Variants in CDH2 observed in about 807,000 individuals in gnomAD.
CDH2 encodes cadherin 2.
A neutral mutation model predicts 92.0 loss-of-function variants in CDH2; 17 were observed. That is an observed-to-expected ratio of 0.18 (90% CI 0.13 to 0.28). The LOEUF is 0.28. CDH2 is among the 10% of genes least tolerant of loss of function. CDH2 has a pLI of 1.00. For missense variants in CDH2, 862 were observed against 1,133.1 expected, an observed-to-expected ratio of 0.76 and a Z score of 3.44; for synonymous variants, 419 against 415.9, an observed-to-expected ratio of 1.01 and a Z score of -0.09.
At chr18:28,134,820 T>A (rs1034301699) in intron 2 of CDH2, among the ~76,000 whole-genome samples, 3 of 152,110 alleles carry the variant, frequency 2.0e-5, no homozygotes, top group African/African-American at 7.2e-5. Flanking sequence ...TGATCATTCT[T>A]GAAAAGAGGA....
chr18:28,021,374 A>G (rs2013406268), intron 2 of CDH2, among the ~76,000 whole-genome samples: 1 of 151,946 alleles, frequency 6.6e-6, no homozygotes, highest in African/African-American at 2.4e-5. Context: ...ACATGGGAAA[A>G]AAGAAAATAC....
chr18:27,976,412 C>T (rs1000713235), intron 14 of CDH2, among the ~76,000 whole-genome samples: 2 of 152,182 alleles, frequency 1.3e-5, no homozygotes, highest in Non-Finnish European at 1.5e-5. Flanking sequence ...TCTGAAAGCA[C>T]AGGAAGCTGC....
rs527974070 is a variant in CDH2, at chr18:28,163,113, C to A, written c.60+13850G>T. On this transcript the variant is annotated intron_variant, in intron 1 of 15. Coordinates refer to ENST00000269141, the MANE Select transcript of CDH2 (RefSeq NM_001792.5). The stretch of plus-strand genomic sequence containing the variant: ...GTTCATAAAGACACTTCAAGGCAAA[C>A]CAAAAGGTCAAAATACATAGAAAAA... Among the ~76,000 whole-genome samples, 5 of 152,168 alleles carry A rather than the reference C, an allele frequency of 3.3e-5. No individual in the cohort carries two copies. In the South Asian group the frequency reaches 8.3e-4, roughly 25 times the overall value.
At position 28,074,192 on chromosome 18, in the gene CDH2, C is replaced by T. The variant is rs17494353; in HGVS notation, c.173-60283G>A. On this transcript the variant is annotated intron_variant, in intron 2 of 15. Transcript: ENST00000269141. ...GTGAACTTAATATGTGGATGACACT[C>T]ACTTCTCAAGCAAAGATCAAATGAG... Among the ~76,000 whole-genome samples, 603 of 152,240 alleles carry T rather than the reference C, an allele frequency of 4.0e-3. 5 individuals are homozygous for T. The highest frequency in any genetic ancestry group is 0.013 in the African/African-American group (551 of 41,542).
At chr18:27,998,126 C>G (rs939004090) in intron 7 of CDH2, among the ~76,000 whole-genome samples, 1 of 152,128 alleles carries the variant, frequency 6.6e-6, no homozygotes, top group African/African-American at 2.4e-5. Context: ...AAATTCTTAA[C>G]TGCTAAGCCC....
intron 2 of CDH2, among the ~76,000 whole-genome samples, chr18:28,122,969 A>C (rs1210904133): frequency 6.6e-6 from 1 of 152,178 alleles, no homozygotes; most frequent in African/African-American, 2.4e-5. Flanking sequence ...AGACAATTTT[A>C]GATCATGATG....
rs1567976503 is a variant in CDH2, at chr18:28,043,495, A to ATATATATATATATATATATAT, written c.173-29587_173-29586insATATATATATATATATATATA. Among the ~76,000 whole-genome samples the ATATATATATATATATATATAT allele has an allele frequency of 5.7e-5, 5 of 87,366 alleles. 1 individual carries two copies. The highest frequency in any genetic ancestry group is 6.8e-5 in the Non-Finnish European group (3 of 43,922). 57.3% of individuals were successfully genotyped at this position (87,366 alleles called of 152,430 possible). A position where few individuals can be genotyped will look rare whatever the true frequency, so the allele number is the denominator to read the frequency against. ...ATATATATATATATATATATATATA[A>ATATATATATATATATATATAT]ATATATATATATATATATATAAACA... On this transcript the variant is annotated intron_variant, in intron 2 of 15. Coordinates refer to ENST00000269141, the MANE Select transcript of CDH2 (RefSeq NM_001792.5).
At chr18:28,115,856 T>C (rs961333072) in intron 2 of CDH2, among the ~76,000 whole-genome samples, 2 of 152,206 alleles carry the variant, frequency 1.3e-5, no homozygotes, top group African/African-American at 4.8e-5. Context: ...GCAAATTCAG[T>C]AAATCTCATG....
chr18:28,146,751 A>T (rs769005594), intron 2 of CDH2: 1 of 152,070 alleles, frequency 6.6e-6, no homozygotes, highest in Non-Finnish European at 1.5e-5. Flanking sequence ...GCTGTGTGGT[A>T]GAGCTCTGTG....
intron 15 of CDH2, 119 bp from the exon 16 acceptor site, chr18:27,952,478 T>G (rs1156663967): frequency 1.3e-6 from 1 of 742,462 alleles, no homozygotes; most frequent in East Asian, 2.6e-5. Context: ...AATTTCCATT[T>G]ACATACCATA....
intron 14 of CDH2, among the ~76,000 whole-genome samples, chr18:27,980,418 C>A (rs1418425359): frequency 6.6e-6 from 1 of 151,998 alleles, no homozygotes; most frequent in Non-Finnish European, 1.5e-5. Context: ...AAGGTAGAGG[C>A]CTTGGAAATG....
At chr18:28,036,842 G>C (rs986023336) in intron 2 of CDH2, among the ~76,000 whole-genome samples, 1 of 152,066 alleles carries the variant, frequency 6.6e-6, no homozygotes. Context: ...AAAATACAAC[G>C]TAAGAATAAA....
intron 6 of CDH2, among the ~76,000 whole-genome samples, chr18:27,938,389 T>C (rs749856964): frequency 6.6e-6 from 1 of 152,234 alleles, no homozygotes; most frequent in African/African-American, 2.4e-5. Context: ...AATATATAAT[T>C]TGAATATATT....
At chr18:28,132,997 C>T (rs1270544253) in intron 2 of CDH2, among the ~76,000 whole-genome samples, 1 of 152,128 alleles carries the variant, frequency 6.6e-6, no homozygotes, top group Admixed American at 6.5e-5. Flanking sequence ...CATGTCAAAC[C>T]AATCTCACAC....
chr18:27,968,163 T>G (rs1452255008), intron 14 of CDH2, among the ~76,000 whole-genome samples: 2 of 152,222 alleles, frequency 1.3e-5, no homozygotes, highest in Non-Finnish European at 2.9e-5. Context: ...CTTTCTCATG[T>G]GGTATTGCAT....
intron 2 of CDH2, among the ~76,000 whole-genome samples, chr18:28,038,459 GTGTC>G (rs1329118655): frequency 7.1e-6 from 1 of 140,662 alleles, no homozygotes; most frequent in African/African-American, 2.8e-5. Flanking sequence ...GTGTGTGTGT[GTGTC>G]TATGTGTGTG....
intron 14 of CDH2, among the ~76,000 whole-genome samples, chr18:27,978,291 T>C (rs573741442): frequency 7.0e-4 from 107 of 152,270 alleles, no homozygotes; most frequent in Non-Finnish European, 1.3e-3. Flanking sequence ...ACTTACCCTA[T>C]TGGTTTCAAG....
At chr18:27,938,630 TTATAC>T (rs377279250) in intron 6 of CDH2, among the ~76,000 whole-genome samples, 2 of 152,326 alleles carry the variant, frequency 1.3e-5, no homozygotes, top group East Asian at 3.9e-4. Flanking sequence ...TTATTAATAA[TTATAC>T]TATACCCTTT....
At chr18:27,958,014 TTACTA>T (rs549342227) in intron 15 of CDH2, among the ~76,000 whole-genome samples, 52 of 152,332 alleles carry the variant, frequency 3.4e-4, no homozygotes, top group Non-Finnish European at 6.8e-4. Context: ...TAAGAGATTT[TTACTA>T]TGTGACAAGC....
Sources: allele counts gnomAD v4.1 joint callset (sites outside exome capture counted in the v4.1 genomes callset), GRCh38; gene constraint gnomAD v4.1.1; transcripts MANE v1.5; gene names NCBI Gene and HGNC (gene_info 2026-07-23, HGNC 2026-07-21).